The following CRIM1 variants were observed in gnomAD, a reference collection of about 807,000 sequenced individuals.
CRIM1 encodes the protein cysteine rich transmembrane BMP regulator 1, also known as cysteine-rich motor neuron 1 protein.
A neutral mutation model predicts 116.4 loss-of-function variants in CRIM1; 32 were observed. The ratio of observed to expected loss-of-function variants is 0.27; its 90% CI spans 0.21 to 0.37. The LOEUF (loss-of-function observed/expected upper bound fraction) is 0.37, where lower values mean the gene tolerates loss of function less well. Ranked by LOEUF, CRIM1 falls within the 10% of genes least tolerant of loss-of-function variation. The pLI is 1.00. For synonymous variants in CRIM1, 590 were observed against 509.2 expected (o/e 1.16, Z -2.13); for missense variants, 1,331 against 1,354.8 (o/e 0.98, Z 0.28).
intron 12 of CRIM1, among the ~76,000 whole-genome samples, chr2:36,520,471 G>C (rs1043008021): frequency 2.4e-4 from 36 of 152,204 alleles, no homozygotes; most frequent in Non-Finnish European, 2.9e-5. Context: ...CCTCGACGTA[G>C]ATAACCACGA....
In CRIM1 at chr2:36,379,498, C is replaced by T. The variant is rs551010915; in HGVS notation, c.332-17116C>T. ...GGCACTTTTATTTCAGCCCTGACAA[C>T]AGTGCGGCCTTCCCAAAGTATGAGA... On this transcript the variant is annotated intron_variant, in intron 1 of 16. Coordinates refer to ENST00000280527, the MANE Select transcript of CRIM1 (RefSeq NM_016441.3). Among the ~76,000 whole-genome samples the T allele has an allele frequency of 2.6e-5, 4 of 152,312 alleles. No individual in the cohort carries two copies. The South Asian group carries it at 8.3e-4, about 32-fold the overall frequency.
chr2:36,480,922 T>C (rs961889643), intron 7 of CRIM1, among the ~76,000 whole-genome samples: 2 of 152,106 alleles, frequency 1.3e-5, no homozygotes, highest in Non-Finnish European at 2.9e-5. Context: ...GAAATACATA[T>C]GATGGTTGTA....
chr2:36,396,981 C>T (rs1237616297), intron 2 of CRIM1, among the ~76,000 whole-genome samples, 194 bp downstream of exon 2: 2 of 152,104 alleles, frequency 1.3e-5, no homozygotes, highest in East Asian at 1.9e-4. Context: ...TATGGAATGG[C>T]GGTGCTGTGG....
At chr2:36,513,793 C>G (rs766950322) in intron 11 of CRIM1, 28 bp downstream of exon 11, 1 of 1,600,474 alleles carries the variant, frequency 6.2e-7, no homozygotes, top group South Asian at 1.1e-5. Flanking sequence ...TCTGTGTGCT[C>G]CATAAGCAAA....
chr2:36,548,026 A>G lies in CRIM1; in HGVS notation c.2935-499A>G, dbSNP rs577308682. On this transcript the variant is annotated intron_variant, in intron 16 of 16. Transcript: ENST00000280527. Reference sequence around the variant, plus strand: ...TTCTTTGAACAAATGTACATTGGGCACAGCCTCTGTGCTGGGTCAGGATAC... The same window carrying G: ...TTCTTTGAACAAATGTACATTGGGCGCAGCCTCTGTGCTGGGTCAGGATAC... 4.6e-5 allele frequency among the ~76,000 whole-genome samples: 7 copies of G among 152,294 alleles called. No homozygotes were observed. In the South Asian group the frequency reaches 1.5e-3, roughly 32 times the overall value.
intron 8 of CRIM1, among the ~76,000 whole-genome samples, chr2:36,504,295 C>T (rs369101385): frequency 5.3e-5 from 8 of 152,158 alleles, no homozygotes; most frequent in African/African-American, 1.9e-4. Flanking sequence ...CCTACTATAT[C>T]CTAAAGAAGA....
chr2:36,479,473 C>A (rs1360019086), intron 6 of CRIM1, 24 bp from the exon 7 acceptor site: 34 of 1,609,688 alleles, frequency 2.1e-5, no homozygotes, highest in Non-Finnish European at 2.7e-5. Flanking sequence ...CTCAGTCTAA[C>A]TCTGAACTCA....
rs574977002 is a variant in CRIM1, at chr2:36,431,425, A to G, written c.506-9833A>G. On this transcript the variant is annotated intron_variant, in intron 2 of 16. Coordinates refer to ENST00000280527, the MANE Select transcript of CRIM1 (RefSeq NM_016441.3). ...TCTTGCTATATCATTTTAATTACAT[A>G]AGTAAAGTCACTTTCAGAAATCTCA... Among the ~76,000 whole-genome samples, 6 of 152,212 alleles carry G rather than the reference A, an allele frequency of 3.9e-5. No individual in the cohort carries two copies. In the East Asian group the frequency reaches 9.7e-4, roughly 25 times the overall value.
chr2:36,403,471 G>A (rs1672565037), intron 2 of CRIM1, among the ~76,000 whole-genome samples: 1 of 152,192 alleles, frequency 6.6e-6, no homozygotes. Flanking sequence ...GGAAGGTTTT[G>A]TGGAGGAACT....
rs1670370106 is a variant in CRIM1, at chr2:36,376,988, T to C, written c.332-19626T>C. The stretch of plus-strand genomic sequence containing the variant: ...AGCAGCAGTTCCTGAGCTCTGTCTT[T>C]TGTCTCTTCATGGGTTGGTCACTGA... On this transcript the variant is annotated intron_variant, in intron 1 of 16. Coordinates refer to ENST00000280527, the MANE Select transcript of CRIM1 (RefSeq NM_016441.3). 2.0e-5 allele frequency among the ~76,000 whole-genome samples: 3 copies of C among 152,198 alleles called. No individual in the cohort carries two copies. In the South Asian group the frequency reaches 6.2e-4, roughly 32 times the overall value.
intron 5 of CRIM1, among the ~76,000 whole-genome samples, chr2:36,468,839 A>T (rs1678255798): frequency 6.6e-6 from 1 of 152,096 alleles, no homozygotes. Context: ...GCAAGTGATT[A>T]TTTGGTTTCT....
chr2:36,356,213 C>CGGT lies in CRIM1; in HGVS notation c.-79_-78insGTG. 3.0e-6 allele frequency: 2 copies of CGGT among 656,158 alleles called. No homozygotes were observed. Among genetic ancestry groups the CGGT allele is most frequent in the Non-Finnish European group, 2.1e-6 (1 of 473,110 alleles). 40.6% of individuals were successfully genotyped at this position (656,158 alleles called of 1,614,324 possible). ...CGGGCTGCTGGTGCGGCGGCGGCGG[C>CGGT]GCGTGTGCCCCGCGCAGGGGAGGGC... On this transcript the variant is annotated 5_prime_UTR_variant, in exon 1 of 17. Transcript: ENST00000280527. The surrounding 1 kb of genome is among the most constrained non-coding windows in gnomAD (Gnocchi z 4.3).
rs775896832 is a variant in CRIM1, at chr2:36,547,105, A to C, written c.2868A>C (p.Ala956=). ...PIIICLSIII[A]FLFINQKKQW... is the part of the protein sequence containing the mutation. ...TTATATGCCTCTCTATTATAATAGC[A>C]TTCCTATTCATCAATCAGAAGAAAC... The change falls in exon 16 of 17, where the codon GCA becomes GCC. Residue 956 remains alanine, a synonymous_variant. Coordinates refer to ENST00000280527, the MANE Select transcript of CRIM1 (RefSeq NM_016441.3). 1 of 1,612,566 alleles carries C rather than the reference A, an allele frequency of 6.2e-7. No homozygotes were observed. The highest frequency in any genetic ancestry group is 1.1e-5 in the South Asian group (1 of 91,030).
At chr2:36,357,514 C>T (rs1426327890) in intron 1 of CRIM1, among the ~76,000 whole-genome samples, 2 of 152,036 alleles carry the variant, frequency 1.3e-5, no homozygotes, top group Non-Finnish European at 2.9e-5. Context: ...GTTGGGGAGC[C>T]AATGTTAGTG....
intron 2 of CRIM1, among the ~76,000 whole-genome samples, chr2:36,436,673 C>T (rs975077394): frequency 6.6e-6 from 1 of 151,900 alleles, no homozygotes. Flanking sequence ...TTTCAAATAC[C>T]CATCTATTTT....
chr2:36,534,573 G>GA, intron 13 of CRIM1, among the ~76,000 whole-genome samples: 4 of 141,142 alleles, frequency 2.8e-5, no homozygotes, highest in South Asian at 2.4e-4. Flanking sequence ...AAGGAAGGGA[G>GA]GAAGGAAGGG....
intron 13 of CRIM1, among the ~76,000 whole-genome samples, chr2:36,523,910 T>C (rs1423281884): frequency 1.3e-5 from 2 of 152,208 alleles, no homozygotes; most frequent in Admixed American, 1.3e-4. Context: ...TGTTGGTATA[T>C]GAGATGGAAA....
At position 36,429,222 on chromosome 2, in the gene CRIM1, G is replaced by T. The variant is rs550940403; in HGVS notation, c.506-12036G>T. ...TTCCCAACTACTGGCATGTGGCTTT[G>T]TGAGAGCTGTTTCACCATAATCTGT... On this transcript the variant is annotated intron_variant, in intron 2 of 16. Transcript: ENST00000280527. Among the ~76,000 whole-genome samples the T allele has an allele frequency of 8.5e-5, 13 of 152,340 alleles. 1 individual carries two copies. In the South Asian group the frequency reaches 2.7e-3, roughly 32 times the overall value.
chr2:36,477,516 G>A (rs965549787), intron 6 of CRIM1, among the ~76,000 whole-genome samples: 3 of 152,154 alleles, frequency 2.0e-5, no homozygotes, highest in African/African-American at 7.2e-5. Flanking sequence ...TGCCACTGTC[G>A]TAATACCCAG....
Sources: allele counts gnomAD v4.1 joint callset (sites outside exome capture counted in the v4.1 genomes callset), GRCh38; gene constraint gnomAD v4.1.1; non-coding constraint Gnocchi (gnomAD v3.1); transcripts MANE v1.5; gene names NCBI Gene and HGNC (gene_info 2026-07-23, HGNC 2026-07-21).